The following PDZRN4 variants were observed in gnomAD, a reference collection of about 807,000 sequenced individuals.
The protein encoded by PDZRN4 is PDZ domain containing ring finger 4.
In PDZRN4, 70 loss-of-function variants were observed where a neutral mutation model predicts 99.0. The ratio of observed to expected loss-of-function variants is 0.71; its 90% CI spans 0.58 to 0.86. The LOEUF (loss-of-function observed/expected upper bound fraction) is 0.86. Ranked by LOEUF, PDZRN4 falls within the 40% of genes least tolerant of loss-of-function variation. PDZRN4 has a pLI of 0.00. For missense variants in PDZRN4, 1,474 were observed against 1,331.2 expected (o/e 1.11, Z -1.67); for synonymous variants, 551 against 501.6 (o/e 1.10, Z -1.32).
intron 3 of PDZRN4, among the ~76,000 whole-genome samples, chr12:41,405,620 T>G (rs1282801144): frequency 1.3e-5 from 2 of 152,180 alleles, no homozygotes. Flanking sequence ...GGAAAATAGA[T>G]CATTATGCCA....
chr12:41,233,382 A>G (rs1391875108), intron 3 of PDZRN4, among the ~76,000 whole-genome samples: 40 of 152,146 alleles, frequency 2.6e-4, no homozygotes, highest in Non-Finnish European at 4.1e-4. Flanking sequence ...CAGTGTGGCG[A>G]TTCCTCAGGG....
At chr12:41,479,178 A>T (rs192168136) in intron 3 of PDZRN4, among the ~76,000 whole-genome samples, 1 of 152,218 alleles carries the variant, frequency 6.6e-6, no homozygotes, top group East Asian at 1.9e-4. Context: ...CAGATAAAAG[A>T]ATGTAATCAT....
chr12:41,447,005 G>A (rs1952734687), intron 3 of PDZRN4, among the ~76,000 whole-genome samples: 1 of 151,974 alleles, frequency 6.6e-6, no homozygotes, highest in Admixed American at 6.6e-5. Context: ...GACTAAAGCA[G>A]GATATGGGAC....
intron 3 of PDZRN4, among the ~76,000 whole-genome samples, chr12:41,364,611 T>A (rs1190862718): frequency 6.6e-6 from 1 of 152,122 alleles, no homozygotes; most frequent in Admixed American, 6.6e-5. Flanking sequence ...ATCTATCCTT[T>A]ACAGTTTTTA....
intron 3 of PDZRN4, among the ~76,000 whole-genome samples, chr12:41,294,432 A>G (rs1034566500): frequency 3.3e-5 from 5 of 152,202 alleles, no homozygotes; most frequent in African/African-American, 4.8e-5. Context: ...TGAACTATAA[A>G]TGACAAGGTT....
chr12:41,457,690 T>G (rs1415297267), intron 3 of PDZRN4, among the ~76,000 whole-genome samples: 1 of 152,224 alleles, frequency 6.6e-6, no homozygotes, highest in African/African-American at 2.4e-5. Context: ...GGTATTTGTT[T>G]TAAAATAAAG....
intron 3 of PDZRN4, among the ~76,000 whole-genome samples, chr12:41,256,099 A>T (rs920207875): frequency 6.6e-6 from 1 of 152,156 alleles, no homozygotes; most frequent in Non-Finnish European, 1.5e-5. Flanking sequence ...AAGAAAATAA[A>T]TTTTTTAATG....
chr12:41,225,506 T>G (rs1043899138), intron 3 of PDZRN4, among the ~76,000 whole-genome samples: 2 of 152,076 alleles, frequency 1.3e-5, no homozygotes, highest in Non-Finnish European at 1.5e-5. Flanking sequence ...TGGAAAATTA[T>G]CTTATAATTT....
chr12:41,303,720 C>T (rs1358623648), intron 3 of PDZRN4, among the ~76,000 whole-genome samples: 2 of 152,176 alleles, frequency 1.3e-5, no homozygotes, highest in African/African-American at 2.4e-5. Flanking sequence ...GTGGCATGCA[C>T]CTAGGCTTCC....
intron 5 of PDZRN4, among the ~76,000 whole-genome samples, chr12:41,549,480 G>C (rs1444409379): frequency 1.3e-5 from 2 of 152,174 alleles, no homozygotes; most frequent in Non-Finnish European, 2.9e-5. Flanking sequence ...GTATGTTTCT[G>C]TGTTTTAATA....
chr12:41,482,029 A>C (rs1339184760), intron 3 of PDZRN4, among the ~76,000 whole-genome samples: 2 of 152,178 alleles, frequency 1.3e-5, no homozygotes, highest in African/African-American at 4.8e-5. Flanking sequence ...TGGATTAAAT[A>C]GAGGACTTCA....
intron 3 of PDZRN4, among the ~76,000 whole-genome samples, chr12:41,341,642 G>T (rs985193081): frequency 2.0e-5 from 3 of 151,670 alleles, no homozygotes; most frequent in African/African-American, 4.8e-5. Context: ...AACCAAGAAG[G>T]TGAAAAATCT....
At chr12:41,412,688 A>G (rs879890514) in intron 3 of PDZRN4, among the ~76,000 whole-genome samples, 2 of 152,206 alleles carry the variant, frequency 1.3e-5, no homozygotes, top group Non-Finnish European at 2.9e-5. Flanking sequence ...CATAGTTAAG[A>G]TGATATAATT....
intron 5 of PDZRN4, among the ~76,000 whole-genome samples, chr12:41,526,968 C>T (rs1214684218): frequency 6.6e-6 from 1 of 152,210 alleles, no homozygotes; most frequent in Non-Finnish European, 1.5e-5. Context: ...AATACAGTTT[C>T]AGGTTCAATG....
chr12:41,342,340 A>G (rs1167642027), intron 3 of PDZRN4, among the ~76,000 whole-genome samples: 1 of 151,942 alleles, frequency 6.6e-6, no homozygotes, highest in Admixed American at 6.6e-5. Flanking sequence ...AAAAGCAAAA[A>G]TAGGCGTATG....
chr12:41,280,506 G>A (rs1168620506), intron 3 of PDZRN4, among the ~76,000 whole-genome samples: 1 of 152,154 alleles, frequency 6.6e-6, no homozygotes, highest in Non-Finnish European at 1.5e-5. Flanking sequence ...AAGTCAACCT[G>A]GGACACTCGA....
At chr12:41,497,168 A>C (rs950911927) in intron 3 of PDZRN4, among the ~76,000 whole-genome samples, 1 of 152,126 alleles carries the variant, frequency 6.6e-6, no homozygotes, top group Non-Finnish European at 1.5e-5. Context: ...ATCTTGTCCA[A>C]GGGCTAAGAG....
At chr12:41,271,764 A>G (rs954830487) in intron 3 of PDZRN4, among the ~76,000 whole-genome samples, 4 of 152,154 alleles carry the variant, frequency 2.6e-5, no homozygotes, top group African/African-American at 9.6e-5. Flanking sequence ...GGAAAGAATT[A>G]TTAGAAATGC....
chr12:41,339,732 A>G (rs1951802606), intron 3 of PDZRN4, among the ~76,000 whole-genome samples: 1 of 152,132 alleles, frequency 6.6e-6, no homozygotes, highest in Non-Finnish European at 1.5e-5. Context: ...ATAGAAAAAT[A>G]TCTAATAATC....
Sources: gnomAD v4.1 joint callset for allele counts (sites outside exome capture counted in the v4.1 genomes callset) on GRCh38, gnomAD v4.1.1 for gene constraint, MANE v1.5 for transcripts, NCBI Gene and HGNC (gene_info 2026-07-23, HGNC 2026-07-21) for gene names.